VMP1: variants seen among roughly 807,000 people sequenced by gnomAD.
The protein encoded by VMP1 is ectopic P-granules autophagy protein 3 homolog.
In VMP1, 11 loss-of-function variants were observed where a neutral mutation model predicts 56.0. That is an observed-to-expected ratio of 0.20 (90% confidence interval 0.12 to 0.32). The LOEUF (loss-of-function observed/expected upper bound fraction) is 0.32. VMP1 is among the 10% of genes least tolerant of loss of function. The pLI is 1.00. For synonymous variants in VMP1, 149 were observed against 165.0 expected (o/e 0.90, Z 0.74); for missense variants, 296 against 490.3 (o/e 0.60, Z 3.74).
chr17:59,726,291 G>GTTTTTTTT (rs541555827), intron 1 of VMP1, among the ~76,000 whole-genome samples: 4 of 145,056 alleles, frequency 2.8e-5, no homozygotes, highest in Non-Finnish European at 1.5e-5. Context: ...AGTTTTTTTT[G>GTTTTTTTT]TTTTTTTTTT....
chr17:59,762,512 T>G (rs2036093846), intron 5 of VMP1, among the ~76,000 whole-genome samples: 2 of 152,220 alleles, frequency 1.3e-5, no homozygotes, highest in African/African-American at 4.8e-5. Flanking sequence ...ATTTTTTCAT[T>G]CAAATCGGTT....
intron 8 of VMP1, among the ~76,000 whole-genome samples, chr17:59,809,462 C>T (rs1250008563): frequency 2.2e-5 from 3 of 135,186 alleles, no homozygotes; most frequent in South Asian, 2.3e-4. Context: ...GGATTTCAGG[C>T]GACTGCCACC....
intron 1 of VMP1, among the ~76,000 whole-genome samples, chr17:59,727,424 A>AG: frequency 6.6e-6 from 1 of 152,126 alleles, no homozygotes; most frequent in Non-Finnish European, 1.5e-5. Flanking sequence ...GTGAGCCATC[A>AG]TGCCTGGCCC....
intron 5 of VMP1, among the ~76,000 whole-genome samples, chr17:59,750,428 A>T (rs963582648): frequency 3.3e-5 from 5 of 151,768 alleles, no homozygotes; most frequent in Middle Eastern, 3.2e-3. Context: ...CACACTCCCA[A>T]GTAGCTGAGA....
At chr17:59,720,887 C>G (rs753768740) in intron 1 of VMP1, among the ~76,000 whole-genome samples, 1 of 151,906 alleles carries the variant, frequency 6.6e-6, no homozygotes, top group East Asian at 1.9e-4. Flanking sequence ...ACAGGAGAAT[C>G]GCTTGAACCC....
intron 7 of VMP1, among the ~76,000 whole-genome samples, chr17:59,791,941 C>T (rs184835535): frequency 1.3e-5 from 2 of 152,168 alleles, no homozygotes; most frequent in African/African-American, 4.8e-5. Flanking sequence ...TTAAACTCTG[C>T]ATTTCTTTTT....
chr17:59,791,753 C>T (rs2037238974), intron 7 of VMP1, among the ~76,000 whole-genome samples: 1 of 152,164 alleles, frequency 6.6e-6, no homozygotes, highest in Non-Finnish European at 1.5e-5. Context: ...CATGAGCCAC[C>T]ATGCCTGGCC....
chr17:59,735,112 A>C (rs913573894), intron 2 of VMP1, among the ~76,000 whole-genome samples: 1 of 151,740 alleles, frequency 6.6e-6, no homozygotes, highest in Non-Finnish European at 1.5e-5. Context: ...GAGTTCCACC[A>C]TGTTGGCCAG....
chr17:59,809,940 T>C (rs1304580910), intron 8 of VMP1, among the ~76,000 whole-genome samples: 1 of 152,106 alleles, frequency 6.6e-6, no homozygotes, highest in Non-Finnish European at 1.5e-5. Flanking sequence ...AGAGACAAAA[T>C]CCATTCTTCC....
At chr17:59,717,162 G>T (rs1223457868) in intron 1 of VMP1, among the ~76,000 whole-genome samples, 1 of 151,572 alleles carries the variant, frequency 6.6e-6, no homozygotes, top group Non-Finnish European at 1.5e-5. Flanking sequence ...CATAGACACG[G>T]AGTTTCACTG....
chr17:59,737,175 A>G (rs1180258277), intron 3 of VMP1, among the ~76,000 whole-genome samples: 2 of 152,236 alleles, frequency 1.3e-5, no homozygotes, highest in African/African-American at 2.4e-5. Flanking sequence ...TTTCTATTAT[A>G]CTATAATGCT....
At chr17:59,786,453 C>T (rs2037009509) in intron 7 of VMP1, among the ~76,000 whole-genome samples, 2 of 152,300 alleles carry the variant, frequency 1.3e-5, no homozygotes, top group African/African-American at 4.8e-5. Context: ...CCTTTACATA[C>T]ACAGATTCAT....
intron 2 of VMP1, among the ~76,000 whole-genome samples, chr17:59,732,712 T>G (rs1364782403): frequency 7.2e-5 from 11 of 152,198 alleles, no homozygotes. Flanking sequence ...AGCTTTTGTG[T>G]GCTATTTTTT....
At chr17:59,735,307 C>T (rs886453735) in intron 2 of VMP1, 31 bp from the exon 3 acceptor site, 1 of 1,601,208 alleles carries the variant, frequency 6.2e-7, no homozygotes, top group African/African-American at 1.3e-5. Context: ...GTTAGAAATT[C>T]TGTTTTAATC....
intron 10 of VMP1, among the ~76,000 whole-genome samples, chr17:59,828,045 C>T (rs1001104771): frequency 2.6e-5 from 4 of 151,588 alleles, no homozygotes; most frequent in African/African-American, 9.7e-5. Flanking sequence ...AAAAAAGCTG[C>T]CACCAGTCTG....
At chr17:59,780,521 A>C (rs2036781825) in intron 7 of VMP1, among the ~76,000 whole-genome samples, 2 of 152,226 alleles carry the variant, frequency 1.3e-5, no homozygotes, top group African/African-American at 4.8e-5. Flanking sequence ...TGCAATAAAA[A>C]GTGAAGAACT....
intron 10 of VMP1, among the ~76,000 whole-genome samples, chr17:59,821,336 C>T (rs1283695448): frequency 6.6e-6 from 1 of 151,922 alleles, no homozygotes; most frequent in Non-Finnish European, 1.5e-5. Context: ...CAAAAAATTC[C>T]AGTGATCCTT....
At chr17:59,733,527 A>T (rs897988410) in intron 2 of VMP1, among the ~76,000 whole-genome samples, 17 of 151,730 alleles carry the variant, frequency 1.1e-4, no homozygotes, top group African/African-American at 4.1e-4. Flanking sequence ...ATGAAACCTC[A>T]TCTCTACTAA....
At chr17:59,755,528 C>T (rs938150153) in intron 5 of VMP1, among the ~76,000 whole-genome samples, 1 of 152,100 alleles carries the variant, frequency 6.6e-6, no homozygotes, top group Non-Finnish European at 1.5e-5. Flanking sequence ...TTTTGGCCAG[C>T]AATTTTATAT....
Sources: gnomAD v4.1 joint callset for allele counts (sites outside exome capture counted in the v4.1 genomes callset) on GRCh38, gnomAD v4.1.1 for gene constraint, MANE v1.5 for transcripts, NCBI Gene and HGNC (gene_info 2026-07-23, HGNC 2026-07-21) for gene names.